The following DRD3 variants were observed in gnomAD, a reference collection of about 807,000 sequenced individuals.
DRD3 encodes the protein dopamine receptor D3, also known as D(3) dopamine receptor.
DRD3 carries 19 observed loss-of-function variants against 36.3 expected under a neutral mutation model. The observed-to-expected ratio is 0.52, with a 90% CI of 0.36 to 0.77. DRD3 has a LOEUF of 0.77. DRD3 is among the 30% of genes least tolerant of loss of function. DRD3 has a pLI of 0.00. For synonymous variants in DRD3, 195 were observed against 203.7 expected (o/e 0.96, Z 0.36); for missense variants, 465 against 505.3 (o/e 0.92, Z 0.77).
chr3:114,195,489 T>C (rs1175047737), intron 1 of DRD3, among the ~76,000 whole-genome samples: 1 of 152,202 alleles, frequency 6.6e-6, no homozygotes, highest in African/African-American at 2.4e-5. Flanking sequence ...TATGAAAATA[T>C]TTCCATTATT....
chr3:114,169,327 T>C (rs1328550723), intron 2 of DRD3, among the ~76,000 whole-genome samples: 4 of 150,024 alleles, frequency 2.7e-5, no homozygotes, highest in African/African-American at 9.8e-5. Flanking sequence ...AGGGCCTCTT[T>C]TTGGTCTTAC....
At chr3:114,132,397 G>A (rs1167354942) in intron 5 of DRD3, among the ~76,000 whole-genome samples, 2 of 152,004 alleles carry the variant, frequency 1.3e-5, no homozygotes, top group African/African-American at 2.4e-5. Flanking sequence ...CACACACCAG[G>A]GCCTGTCAAG....
At chr3:114,181,727 T>C (rs2077948845), upstream of DRD3, among the ~76,000 whole-genome samples, 2 of 152,310 alleles carry the variant, frequency 1.3e-5, no homozygotes, top group South Asian at 2.1e-4. Context: ...AGAAGAGAGA[T>C]GGTGGGCTTC....
At chr3:114,159,726 G>A (rs780482392) in intron 3 of DRD3, 29 bp downstream of exon 3, 3 of 1,601,854 alleles carry the variant, frequency 1.9e-6, no homozygotes, top group East Asian at 4.5e-5. Flanking sequence ...CAGCTTTTGG[G>A]CCACCTGGAA....
rs551320186 is a variant in DRD3 at position 114,127,852 on chromosome 3, C to T, written c.*864G>A. Among the ~76,000 whole-genome samples, 55 of 152,214 alleles carry T rather than the reference C, an allele frequency of 3.6e-4. No homozygotes were observed. The highest frequency in any genetic ancestry group is 1.0e-3 in the South Asian group (5 of 4,816). ...ATGATGTGGTCCACTATATTGGGTC[C>T]CTGTTAAGCAGAAATGGAGATGCCC... On this transcript the variant is annotated 3_prime_UTR_variant, in exon 7 of 7. Transcript: ENST00000383673.
At chr3:114,170,784 A>T (rs2077832702) in intron 2 of DRD3, among the ~76,000 whole-genome samples, 1 of 152,130 alleles carries the variant, frequency 6.6e-6, no homozygotes, top group African/African-American at 2.4e-5. Flanking sequence ...GATGAATCTT[A>T]ATTTCTCTTA....
In DRD3 at chr3:114,128,641, T is replaced by C. The variant is rs187971179; in HGVS notation, c.*75A>G. The stretch of plus-strand genomic sequence containing the variant: ...CTTCCTACTGCATGCCGGAGGACAC[T>C]GCACAGTCTTTCTGAGTGGGCCAAC... On this transcript the variant is annotated 3_prime_UTR_variant, in exon 7 of 7. Coordinates refer to ENST00000383673, the MANE Select transcript of DRD3 (RefSeq NM_000796.6). The C allele has an allele frequency of 5.8e-5, 84 of 1,439,050 alleles. No homozygotes were observed. The East Asian group carries it at 7.6e-4, about 13-fold the overall frequency. The allele number at this position is 1,439,050 out of a possible 1,614,324, so 89.1% of individuals were successfully genotyped here.
At chr3:114,157,306 G>A (rs1042074131) in intron 3 of DRD3, among the ~76,000 whole-genome samples, 5 of 151,800 alleles carry the variant, frequency 3.3e-5, no homozygotes, top group African/African-American at 9.7e-5. Context: ...CTCTTGCCTC[G>A]GCCTCCCAAA....
chr3:114,158,848 G>A (rs2077706165), intron 3 of DRD3, among the ~76,000 whole-genome samples: 1 of 152,162 alleles, frequency 6.6e-6, no homozygotes, highest in Non-Finnish European at 1.5e-5. Flanking sequence ...AGAAGAAGCG[G>A]AATGGAAAGT....
intron 1 of DRD3, among the ~76,000 whole-genome samples, chr3:114,185,212 TCTCTTTC>T (rs2107900377): frequency 6.6e-6 from 1 of 152,300 alleles, no homozygotes; most frequent in African/African-American, 2.4e-5. Context: ...ATCTAGCCCT[TCTCTTTC>T]TGGTGCTGTC....
chr3:114,159,673 C>A (rs1236782712), intron 3 of DRD3, 82 bp downstream of exon 3: 23 of 1,109,134 alleles, frequency 2.1e-5, no homozygotes, highest in Non-Finnish European at 1.1e-5. Context: ...TTGGAGGTGA[C>A]CCCAGTACCC....
chr3:114,141,631 T>C (rs2107840307), intron 4 of DRD3, among the ~76,000 whole-genome samples: 1 of 152,246 alleles, frequency 6.6e-6, no homozygotes, highest in African/African-American at 2.4e-5. Context: ...TGATGCATTT[T>C]ACTGACATCT....
At chr3:114,174,760 T>C (rs976930772) in intron 1 of DRD3, among the ~76,000 whole-genome samples, 2 of 151,812 alleles carry the variant, frequency 1.3e-5, no homozygotes, top group African/African-American at 2.4e-5. Context: ...TTTTTTTTTT[T>C]TTTCAAACCA....
intron 4 of DRD3, among the ~76,000 whole-genome samples, chr3:114,146,076 C>G (rs1191086531): frequency 6.6e-6 from 1 of 152,108 alleles, no homozygotes; most frequent in Non-Finnish European, 1.5e-5. Context: ...TTTACTTACT[C>G]CAGAGCCTAT....
intron 3 of DRD3, among the ~76,000 whole-genome samples, chr3:114,153,574 A>G (rs907514193): frequency 7.9e-5 from 12 of 152,128 alleles, no homozygotes; most frequent in Non-Finnish European, 1.2e-4. Flanking sequence ...CACTAAACAG[A>G]TAAGAGAACT....
At position 114,147,496 on chromosome 3, in the gene DRD3, G is replaced by A. The variant is rs200010990; in HGVS notation, c.445C>T (p.Arg149Cys). 3.1e-6 allele frequency: 5 copies of A among 1,614,068 alleles called. No homozygotes were observed. Among genetic ancestry groups the A allele is most frequent in the African/African-American group, 2.7e-5 (2 of 74,986 alleles). Reference protein sequence around the residue: ...QHGTGQSSCRRVALMITAVWV... With the variant: ...QHGTGQSSCRCVALMITAVWV... The stretch of plus-strand genomic sequence containing the variant: ...ACGGCCGTGATCATGAGGGCCACGC[G>A]CCGACAGGAGCTCTGTCCCGTGCCA... Residue 149 changes from arginine (R) to cysteine (C), a missense_variant, in exon 4 of 7, where the codon CGC becomes TGC. Transcript: ENST00000383673.
chr3:114,193,085 C>T (rs1436568171), intron 1 of DRD3, among the ~76,000 whole-genome samples: 1 of 152,092 alleles, frequency 6.6e-6, no homozygotes, highest in Admixed American at 6.5e-5. Flanking sequence ...CGAGACCATC[C>T]TGGCTAACAC....
chr3:114,196,381 CATAGCTCA>C (rs1458664172), intron 1 of DRD3, among the ~76,000 whole-genome samples: 5 of 152,130 alleles, frequency 3.3e-5, no homozygotes, highest in Non-Finnish European at 7.3e-5. Flanking sequence ...ATGGCATGAT[CATAGCTCA>C]CTGAAGCCTG....
chr3:114,147,209 C>A lies in DRD3; in HGVS notation c.526+206G>T, dbSNP rs916569865. Among the ~76,000 whole-genome samples the A allele has an allele frequency of 2.0e-4, 30 of 151,904 alleles. 1 individual carries two copies. Among genetic ancestry groups the A allele is most frequent in the Admixed American group, 1.8e-3 (27 of 15,244 alleles). The stretch of plus-strand genomic sequence containing the variant: ...TCATTAATTGGGGCAGAACTTTACC[C>A]CCTGTGCCAATAATTGATGAGGTTT... On this transcript the variant is annotated intron_variant, in intron 4 of 6. Transcript: ENST00000383673.
Sources: allele counts gnomAD v4.1 joint callset (sites outside exome capture counted in the v4.1 genomes callset), GRCh38; gene constraint gnomAD v4.1.1; transcripts MANE v1.5; gene names NCBI Gene and HGNC (gene_info 2026-07-23, HGNC 2026-07-21).